The following IRF6 variants were observed in gnomAD, a reference collection of about 807,000 sequenced individuals.
IRF6 encodes interferon regulatory factor 6.
In IRF6, 6 loss-of-function variants were observed where a neutral mutation model predicts 51.4. The ratio of observed to expected loss-of-function variants is 0.12; its 90% CI spans 0.06 to 0.23. IRF6 has a LOEUF of 0.23. Among genes scored for constraint, IRF6 ranks in the 10% least tolerant of loss-of-function variants. The pLI is 1.00. For synonymous variants in IRF6, 178 were observed against 215.7 expected, an observed-to-expected ratio of 0.83 and a Z score of 1.53; for missense variants, 348 against 585.2, an observed-to-expected ratio of 0.59 and a Z score of 4.18.
At chr1:209,803,889 A>T (rs2077958607) in intron 1 of IRF6, among the ~76,000 whole-genome samples, 1 of 152,216 alleles carries the variant, frequency 6.6e-6, no homozygotes. Context: ...GAAACAGCAT[A>T]CAACTTGACT....
Position 209,796,012 on chromosome 1 carries a change from C to A in IRF6, c.379+336G>T, listed in dbSNP as rs1431941212. On this transcript the variant is annotated intron_variant, in intron 4 of 8. Coordinates refer to ENST00000367021, the MANE Select transcript of IRF6 (RefSeq NM_006147.4). This position sits in a 1 kb window ranked among gnomAD's most constrained non-coding sequence, Gnocchi z 4.5. ...CCCACAAGTAGTAAAGTGATAAGGG[C>A]CAGGTTTAGAACGCAAACCTTTTAA... Among the ~76,000 whole-genome samples, 1 of 152,142 alleles carries A rather than the reference C, an allele frequency of 6.6e-6. No homozygotes were observed. The highest frequency in any genetic ancestry group is 1.5e-5 in the Non-Finnish European group (1 of 68,032).
In IRF6 at chr1:209,790,667, G is replaced by A. The variant is rs748882482; in HGVS notation, c.888C>T (p.Asp296=). 32 of 1,614,110 alleles carry A rather than the reference G, an allele frequency of 2.0e-5. No individual in the cohort carries two copies. The highest frequency in any genetic ancestry group is 1.6e-4 in the Middle Eastern group (1 of 6,084). Residue 296 remains aspartate, a synonymous_variant, in exon 7 of 9, where the codon GAC becomes GAT. Coordinates refer to ENST00000367021, the MANE Select transcript of IRF6 (RefSeq NM_006147.4). The surrounding 1 kb of genome is among the most constrained non-coding windows in gnomAD (Gnocchi z 4.8). ...KQKLFTSKLL[D]VMDRGLILEV... ...CCAGGATCAGTCCTCTGTCCATGACGTCCAGCAGCTTGCTAGTGAACAGCT... is the reference window on the plus strand; with the variant it reads ...CCAGGATCAGTCCTCTGTCCATGACATCCAGCAGCTTGCTAGTGAACAGCT...
intron 6 of IRF6, among the ~76,000 whole-genome samples, chr1:209,791,896 C>A (rs375259086): frequency 1.1e-4 from 17 of 152,140 alleles, no homozygotes; most frequent in African/African-American, 3.1e-4. Context: ...AGTGATCCTC[C>A]CACCTCAGCC....
intron 4 of IRF6, among the ~76,000 whole-genome samples, chr1:209,795,657 G>C (rs1038750560): frequency 6.6e-6 from 1 of 152,198 alleles, no homozygotes; most frequent in Non-Finnish European, 1.5e-5. Context: ...TACTTGTTAA[G>C]TATGCAGTTA....
In IRF6 at chr1:209,796,210, C is replaced by T; in HGVS notation, c.379+138G>A. ...AGTCTGCATCTTTTGTTTTCTGGGTCCTTCCCAGAGAAAGGCTTTCTTGCT... is the reference window on the plus strand; with the variant it reads ...AGTCTGCATCTTTTGTTTTCTGGGTTCTTCCCAGAGAAAGGCTTTCTTGCT... On this transcript the variant is annotated intron_variant, in intron 4 of 8. Transcript: ENST00000367021. This position sits in a 1 kb window ranked among gnomAD's most constrained non-coding sequence, Gnocchi z 4.5. The T allele has an allele frequency of 1.4e-6, 1 of 716,982 alleles. No homozygotes were observed. 44.4% of individuals were successfully genotyped at this position (716,982 alleles called of 1,614,324 possible). A position where few individuals can be genotyped will look rare whatever the true frequency, so the allele number is the denominator to read the frequency against.
chr1:209,790,938 T>C lies in IRF6; in HGVS notation c.668-51A>G. ...AGTCCTGCTTCACTGCTCTGCCTGT[T>C]CATCCCTGTGACTCATGCAAGTCCA... is the stretch of plus-strand genomic sequence containing the variant. On this transcript the variant is annotated intron_variant, in intron 6 of 8. Transcript: ENST00000367021. The surrounding 1 kb of genome is among the most constrained non-coding windows in gnomAD (Gnocchi z 4.8). 6.2e-7 allele frequency: 1 copy of C among 1,610,924 alleles called. No homozygotes were observed. Among genetic ancestry groups the C allele is most frequent in the African/African-American group, 1.3e-5 (1 of 75,010 alleles).
rs778842652 is a variant in IRF6, at chr1:209,790,955, G to C, written c.668-68C>G. 1 of 1,608,620 alleles carries C rather than the reference G, an allele frequency of 6.2e-7. No homozygotes were observed. The highest frequency in any genetic ancestry group is 8.5e-7 in the Non-Finnish European group (1 of 1,179,964). On this transcript the variant is annotated intron_variant, in intron 6 of 8. Transcript: ENST00000367021. This position sits in a 1 kb window ranked among gnomAD's most constrained non-coding sequence, Gnocchi z 4.8. ...CTGCCTGTTCATCCCTGTGACTCAT[G>C]CAAGTCCATTAAGATCAAGCCACCT...
intron 3 of IRF6, among the ~76,000 whole-genome samples, chr1:209,797,700 A>C (rs547758971): frequency 3.9e-4 from 60 of 152,338 alleles, no homozygotes; most frequent in African/African-American, 1.4e-3. Context: ...CTCAAGTCAT[A>C]GACCAAGGTG....
intron 1 of IRF6, 56 bp downstream of exon 1, chr1:209,805,891 A>C (rs1264684481): frequency 6.6e-6 from 1 of 152,192 alleles, no homozygotes; most frequent in Non-Finnish European, 1.5e-5. Context: ...GTCCTACCCC[A>C]CCCACGGGGG....
intron 5 of IRF6, chr1:209,793,263 T>C (rs1330794420): frequency 6.6e-6 from 1 of 152,190 alleles, no homozygotes; most frequent in Non-Finnish European, 1.5e-5. Flanking sequence ...TGGAGTGCAA[T>C]GGCACTCTGG....
In IRF6 at chr1:209,792,260, C is replaced by T; in HGVS notation, c.667+9G>A. ...GAAGACCGAGCAAGAAAGATAAAGT[C>T]TCACTTACTTGGGAGAGAGCTGATC... is the stretch of plus-strand genomic sequence containing the variant. On this transcript the variant is annotated intron_variant, in intron 6 of 8. Coordinates refer to ENST00000367021, the MANE Select transcript of IRF6 (RefSeq NM_006147.4). 4.3e-6 allele frequency: 7 copies of T among 1,612,598 alleles called. No individual in the cohort carries two copies. The highest frequency in any genetic ancestry group is 1.7e-4 in the Middle Eastern group (1 of 6,054).
At chr1:209,795,499 G>C (rs1232039794) in intron 4 of IRF6, 81 bp from the exon 5 acceptor site, 3 of 1,600,274 alleles carry the variant, frequency 1.9e-6, no homozygotes, top group Non-Finnish European at 2.6e-6. Context: ...TTCAAGCTAG[G>C]GACTGCTAGC....
chr1:209,802,597 C>T (rs188127839), intron 1 of IRF6, among the ~76,000 whole-genome samples: 2 of 152,278 alleles, frequency 1.3e-5, no homozygotes, highest in East Asian at 1.9e-4. Flanking sequence ...GTGCCAAGCA[C>T]GGTGTTAGTT....
intron 6 of IRF6, 125 bp downstream of exon 6, chr1:209,792,144 C>G (rs1220905183): frequency 9.6e-7 from 1 of 1,045,878 alleles, no homozygotes; most frequent in East Asian, 2.5e-5. Flanking sequence ...GAAACAGAAA[C>G]AGAGGATGCC....
intron 5 of IRF6, among the ~76,000 whole-genome samples, chr1:209,794,993 T>C (rs934404117): frequency 3.9e-5 from 6 of 152,372 alleles, no homozygotes; most frequent in Admixed American, 3.3e-4. Flanking sequence ...GCAAAATGTG[T>C]AACTGATGAT....
chr1:209,799,671 C>T lies in IRF6; in HGVS notation c.174+1569G>A, dbSNP rs145144492. ...ATGAGTAGGGCTTTCAGGAAATAGC[C>T]TCTTCCCCAGGGCCAGCCACTGTCA... On this transcript the variant is annotated intron_variant, in intron 3 of 8. Transcript: ENST00000367021. 7.1e-3 allele frequency among the ~76,000 whole-genome samples: 1,080 copies of T among 152,342 alleles called. 10 individuals carry two copies. Among genetic ancestry groups the T allele is most frequent in the African/African-American group, 0.024 (983 of 41,578 alleles).
At chr1:209,788,723 G>C in intron 8 of IRF6, 79 bp from the exon 9 acceptor site, 4 of 1,157,468 alleles carry the variant, frequency 3.5e-6, no homozygotes, top group Non-Finnish European at 5.1e-6. Context: ...AAGATTGAAG[G>C]ACAGACCAAA....
chr1:209,804,038 C>T (rs543777449), intron 1 of IRF6, among the ~76,000 whole-genome samples: 75 of 152,178 alleles, frequency 4.9e-4, no homozygotes, highest in African/African-American at 1.7e-3. Context: ...ACTATGGGTG[C>T]TTTTTACATT....
At chr1:209,802,426 C>T (rs2077949650) in intron 1 of IRF6, among the ~76,000 whole-genome samples, 1 of 152,144 alleles carries the variant, frequency 6.6e-6, no homozygotes, top group Non-Finnish European at 1.5e-5. Flanking sequence ...AAAGCCTTCC[C>T]AGATTGGGTG....
Sources: gnomAD v4.1 joint callset for allele counts (sites outside exome capture counted in the v4.1 genomes callset) on GRCh38, gnomAD v4.1.1 for gene constraint, Gnocchi (gnomAD v3.1) non-coding constraint, MANE v1.5 for transcripts, NCBI Gene and HGNC (gene_info 2026-07-23, HGNC 2026-07-21) for gene names.